Variants in MEF2A observed in about 807,000 individuals in gnomAD.
MEF2A encodes myocyte-specific enhancer factor 2A.
A neutral mutation model predicts 55.8 loss-of-function variants in MEF2A; 28 were observed. The observed-to-expected ratio is 0.50, with a 90% CI of 0.37 to 0.69. The LOEUF is 0.69. Ranked by LOEUF, MEF2A falls within the 30% of genes least tolerant of loss-of-function variation. The pLI is 0.00. For missense variants in MEF2A, 528 were observed against 626.2 expected (o/e 0.84, Z 1.67); for synonymous variants, 239 against 227.1 (o/e 1.05, Z -0.47).
chr15:99,642,338 C>T (rs1212730482), intron 3 of MEF2A, among the ~76,000 whole-genome samples: 1 of 152,110 alleles, frequency 6.6e-6, no homozygotes, highest in African/African-American at 2.4e-5. Context: ...TATTCCTTAT[C>T]ACTTTTTTGA....
Position 99,590,562 on chromosome 15 carries a change from T to G in MEF2A, c.-224-7868T>G, listed in dbSNP as rs1482782600. Among the ~76,000 whole-genome samples the G allele has an allele frequency of 2.6e-5, 4 of 151,594 alleles. No homozygotes were observed. The South Asian group carries it at 8.3e-4, about 32-fold the overall frequency. ...TTTTCTACTTGTCCTATTTTGTGTT[T>G]TATTTTCCTCTTTTTATACCTTTTT... On this transcript the variant is annotated intron_variant, in intron 1 of 11. Transcript: ENST00000557942.
chr15:99,583,464 C>A (rs763275047), intron 1 of MEF2A, among the ~76,000 whole-genome samples: 9 of 152,094 alleles, frequency 5.9e-5, no homozygotes, highest in Non-Finnish European at 1.5e-5. Context: ...CAAAAGATTA[C>A]ATTTTAAAGT....
Position 99,714,209 on chromosome 15 carries a change from A to ATAAG in MEF2A, c.*1441_*1444dup, listed in dbSNP as rs1567529190. 6.6e-6 allele frequency: 1 copy of ATAAG among 152,240 alleles called. No homozygotes were observed. The highest frequency in any genetic ancestry group is 2.4e-5 in the African/African-American group (1 of 41,458). The allele number at this position is 152,240 out of a possible 1,614,324, so 9.4% of individuals were successfully genotyped here. A position where few individuals can be genotyped will look rare whatever the true frequency, so the allele number is the denominator to read the frequency against. On this transcript the variant is annotated 3_prime_UTR_variant, in exon 12 of 12. Coordinates refer to ENST00000557942, the MANE Select transcript of MEF2A (RefSeq NM_001319206.4). ...AAAATTGGTGTTAAGTTCATCCTGC[A>ATAAG]TAAGTATAAAATGTGTTGTAACAGA...
At chr15:99,597,296 G>A (rs545527944) in intron 1 of MEF2A, among the ~76,000 whole-genome samples, 9 of 152,214 alleles carry the variant, frequency 5.9e-5, no homozygotes, top group Middle Eastern at 3.4e-3. Flanking sequence ...CTGGCCCCCC[G>A]GGTGTGGTCG....
At chr15:99,639,233 T>A (rs1259851078) in intron 3 of MEF2A, among the ~76,000 whole-genome samples, 3 of 152,160 alleles carry the variant, frequency 2.0e-5, no homozygotes, top group Admixed American at 2.0e-4. Context: ...ACTGTCCTCT[T>A]TATAATTTTT....
intron 4 of MEF2A, among the ~76,000 whole-genome samples, chr15:99,667,007 A>G (rs2153604199): frequency 6.6e-6 from 1 of 152,372 alleles, no homozygotes; most frequent in African/African-American, 2.4e-5. Context: ...GATACTTGAT[A>G]TTATAACGAA....
At chr15:99,637,077 T>TAATTAC (rs1796307615) in intron 3 of MEF2A, among the ~76,000 whole-genome samples, 1 of 152,190 alleles carries the variant, frequency 6.6e-6, no homozygotes, top group African/African-American at 2.4e-5. Context: ...TGCACTGTTT[T>TAATTAC]AATTACTATA....
In MEF2A at chr15:99,695,896, T is replaced by A. The variant is rs565842941; in HGVS notation, c.858+5468T>A. ...AAAGAAAAATGCTGCTTACAAGAAA[T>A]CCACTTTAAATATAAAGACATAGAT... On this transcript the variant is annotated intron_variant, in intron 8 of 11. Transcript: ENST00000557942. Among the ~76,000 whole-genome samples the A allele has an allele frequency of 8.7e-5, 13 of 149,402 alleles. No individual in the cohort carries two copies. The South Asian group carries it at 2.7e-3, about 32-fold the overall frequency.
chr15:99,626,447 GTTT>G (rs2042067933), intron 2 of MEF2A, among the ~76,000 whole-genome samples: 1 of 150,866 alleles, frequency 6.6e-6, no homozygotes, highest in African/African-American at 2.4e-5. Flanking sequence ...TTTTTCCGTT[GTTT>G]TTCTGTTATC....
At chr15:99,708,726 A>G (rs2058303627) in intron 10 of MEF2A, among the ~76,000 whole-genome samples, 2 of 152,200 alleles carry the variant, frequency 1.3e-5, no homozygotes, top group Admixed American at 6.5e-5. Context: ...GGAAGGCACA[A>G]GACACACAGC....
chr15:99,667,882 G>C (rs1026091123), intron 4 of MEF2A, among the ~76,000 whole-genome samples: 2 of 152,152 alleles, frequency 1.3e-5, no homozygotes, highest in African/African-American at 4.8e-5. Context: ...CTTGGCATGT[G>C]CTCTAAACAA....
intron 8 of MEF2A, among the ~76,000 whole-genome samples, chr15:99,697,199 C>A (rs1010707718): frequency 6.6e-6 from 1 of 151,654 alleles, no homozygotes; most frequent in South Asian, 2.1e-4. Context: ...TTTTTTCTCA[C>A]CAGTCATATT....
chr15:99,668,909 A>G (rs2050325791), intron 4 of MEF2A, among the ~76,000 whole-genome samples: 1 of 152,222 alleles, frequency 6.6e-6, no homozygotes, highest in African/African-American at 2.4e-5. Flanking sequence ...AAGGAGACAC[A>G]AGTTGCCTAT....
In MEF2A at chr15:99,706,847, A is replaced by G. The variant is rs769625421; in HGVS notation, c.1001A>G (p.Tyr334Cys). The G allele has an allele frequency of 6.2e-6, 10 of 1,613,886 alleles. No homozygotes were observed. The highest frequency in any genetic ancestry group is 1.1e-5 in the South Asian group (1 of 91,082). The change falls in exon 10 of 12, where the codon TAC becomes TGC. Residue 334 changes from tyrosine (Y) to cysteine (C), a missense_variant. Physicochemically the swap from Tyr to Cys is radical, Grantham distance 194. This residue lies in a region of MEF2A where 450 missense variants were observed against 475.3 expected (regional missense o/e 0.95). Coordinates refer to ENST00000557942, the MANE Select transcript of MEF2A (RefSeq NM_001319206.4). ...GTGTACTCAGCAATGCCGACTGCCT[A>G]CAACACTGGTGAGCCTGCTCTGGTG... is the stretch of plus-strand genomic sequence containing the variant. ...GLVYSAMPTA[Y>C]NTDYSLTSAD... is the part of the protein sequence containing the mutation.
At chr15:99,616,855 A>G (rs1326315899) in intron 2 of MEF2A, among the ~76,000 whole-genome samples, 4 of 152,154 alleles carry the variant, frequency 2.6e-5, no homozygotes, top group Non-Finnish European at 5.9e-5. Context: ...AGTAAGAAAA[A>G]GCCTATCTCC....
chr15:99,679,060 T>C (rs1005398545), intron 7 of MEF2A, among the ~76,000 whole-genome samples: 7 of 152,116 alleles, frequency 4.6e-5, no homozygotes, highest in Non-Finnish European at 1.0e-4. Flanking sequence ...CCCACCAGAA[T>C]TGCTAAGATG....
intron 4 of MEF2A, among the ~76,000 whole-genome samples, chr15:99,655,016 C>A (rs2047471279): frequency 6.6e-6 from 1 of 152,112 alleles, no homozygotes; most frequent in African/African-American, 2.4e-5. Flanking sequence ...CTGTTTAAAT[C>A]GCTTGCCTCT....
In MEF2A at chr15:99,674,812, T is replaced by C. The variant is rs1387325682; in HGVS notation, c.610+200T>C. Among the ~76,000 whole-genome samples the C allele has an allele frequency of 2.6e-5, 4 of 152,314 alleles. No homozygotes were observed. In the East Asian group the frequency reaches 7.7e-4, roughly 29 times the overall value. On this transcript the variant is annotated intron_variant, in intron 6 of 11. Transcript: ENST00000557942. ...CATTGTGTCATGCAAAGTAGAACAG[T>C]ACTGAGAACCTGCCATTTATATGCT...
intron 4 of MEF2A, among the ~76,000 whole-genome samples, chr15:99,660,054 T>C (rs2048368757): frequency 6.6e-6 from 1 of 152,206 alleles, no homozygotes. Context: ...TTCCTCGTTA[T>C]CTAAAATTAG....
Sources: allele counts gnomAD v4.1 joint callset (sites outside exome capture counted in the v4.1 genomes callset), GRCh38; gene constraint gnomAD v4.1.1; regional missense constraint gnomAD v4.1.1; transcripts MANE v1.5; gene names NCBI Gene and HGNC (gene_info 2026-07-23, HGNC 2026-07-21).